DLGAP2: variants seen among roughly 807,000 people sequenced by gnomAD.
DLGAP2 encodes the protein disks large-associated protein 2.
A neutral mutation model predicts 100.3 loss-of-function variants in DLGAP2; 26 were observed. The observed-to-expected ratio is 0.26, with a 90% CI of 0.19 to 0.36. The LOEUF (loss-of-function observed/expected upper bound fraction) is 0.36, where lower values mean the gene tolerates loss of function less well. Among genes scored for constraint, DLGAP2 ranks in the 10% least tolerant of loss-of-function variants. The pLI is 1.00. For missense variants in DLGAP2, 1,858 were observed against 1,453.2 expected (o/e 1.28, Z -4.53); for synonymous variants, 886 against 630.1 (o/e 1.41, Z -6.08).
chr8:1,136,477 C>T (rs556569022), intron 2 of DLGAP2, among the ~76,000 whole-genome samples: 1 of 152,176 alleles, frequency 6.6e-6, no homozygotes, highest in Non-Finnish European at 1.5e-5. Flanking sequence ...CCCTCCTCAT[C>T]GTCAGGCTGG....
At chr8:1,178,093 G>A (rs1425442388) in intron 2 of DLGAP2, among the ~76,000 whole-genome samples, 1 of 152,198 alleles carries the variant, frequency 6.6e-6, no homozygotes, top group Non-Finnish European at 1.5e-5. Flanking sequence ...CTGAGCTGGT[G>A]GTGTCAGAGT....
At chr8:1,083,360 G>C (rs773449445) in intron 2 of DLGAP2, among the ~76,000 whole-genome samples, 1 of 152,132 alleles carries the variant, frequency 6.6e-6, no homozygotes, top group Non-Finnish European at 1.5e-5. Context: ...GAGAGGCAGG[G>C]GAGAAGAGTA....
chr8:892,389 C>T (rs892001745), intron 1 of DLGAP2, among the ~76,000 whole-genome samples: 2 of 152,062 alleles, frequency 1.3e-5, no homozygotes, highest in Admixed American at 6.6e-5. Flanking sequence ...GAAATCCCGA[C>T]GAGGCTATGG....
At chr8:1,416,989 G>T (rs1322738885) in intron 3 of DLGAP2, among the ~76,000 whole-genome samples, 3 of 151,440 alleles carry the variant, frequency 2.0e-5, no homozygotes, top group Non-Finnish European at 4.4e-5. Flanking sequence ...GAGACTCAGA[G>T]TCCAGGGCTC....
intron 3 of DLGAP2, among the ~76,000 whole-genome samples, chr8:1,280,723 C>T (rs371929003): frequency 1.3e-5 from 2 of 152,116 alleles, no homozygotes; most frequent in Admixed American, 6.5e-5. Flanking sequence ...TTCATCTGGG[C>T]AGAGGAGTAT....
At chr8:1,472,717 G>T (rs1327259380) in intron 3 of DLGAP2, among the ~76,000 whole-genome samples, 1 of 152,204 alleles carries the variant, frequency 6.6e-6, no homozygotes, top group East Asian at 1.9e-4. Flanking sequence ...TCTGCAGAAA[G>T]TTAACCCTAT....
At chr8:1,428,095 A>G (rs1797288395) in intron 3 of DLGAP2, among the ~76,000 whole-genome samples, 1 of 152,150 alleles carries the variant, frequency 6.6e-6, no homozygotes, top group Admixed American at 6.5e-5. Flanking sequence ...AGAACAGAGT[A>G]CGCTAAATAA....
intron 3 of DLGAP2, among the ~76,000 whole-genome samples, chr8:1,475,823 C>T (rs1294632015): frequency 1.3e-5 from 2 of 152,152 alleles, no homozygotes; most frequent in Non-Finnish European, 2.9e-5. Context: ...GATCATTACT[C>T]TTTGTAACCA....
intron 6 of DLGAP2, among the ~76,000 whole-genome samples, chr8:1,596,682 T>C (rs149371622): frequency 9.1e-4 from 138 of 152,340 alleles, no homozygotes; most frequent in African/African-American, 3.3e-3. Flanking sequence ...TTCTGAGAAA[T>C]GCCTGTTCAT....
chr8:746,917 C>A (rs1214586004), intron 1 of DLGAP2, among the ~76,000 whole-genome samples: 1 of 152,186 alleles, frequency 6.6e-6, no homozygotes, highest in African/African-American at 2.4e-5. Context: ...GTGATGTCGG[C>A]CCTGCAGGCG....
At chr8:1,058,133 G>T (rs568950960) in intron 2 of DLGAP2, among the ~76,000 whole-genome samples, 3 of 152,182 alleles carry the variant, frequency 2.0e-5, no homozygotes, top group Non-Finnish European at 2.9e-5. Flanking sequence ...ATTCCCACAG[G>T]GGGCTTGGCT....
At chr8:1,307,988 C>T (rs1018808228) in intron 3 of DLGAP2, among the ~76,000 whole-genome samples, 4 of 152,064 alleles carry the variant, frequency 2.6e-5, no homozygotes, top group African/African-American at 9.7e-5. Flanking sequence ...ACTACACACA[C>T]GAAATGGTTA....
rs188725481 is a variant in DLGAP2, at chr8:1,707,548, G to C, written c.*6142G>C. On this transcript the variant is annotated 3_prime_UTR_variant, in exon 15 of 15. Transcript: ENST00000637795. ...TGAACTCGACAAGGCTTCCCCTTAC[G>C]AGCAGTGAGACCTAGGCTACTTTCG... 1.3e-5 allele frequency: 2 copies of C among 152,198 alleles called. No individual in the cohort carries two copies. Among genetic ancestry groups the C allele is most frequent in the African/African-American group, 4.8e-5 (2 of 41,512 alleles). 9.4% of individuals were successfully genotyped at this position (152,198 alleles called of 1,614,324 possible).
At chr8:1,335,500 A>G (rs1801253621) in intron 3 of DLGAP2, among the ~76,000 whole-genome samples, 1 of 152,188 alleles carries the variant, frequency 6.6e-6, no homozygotes, top group Admixed American at 6.5e-5. Context: ...ATCACGTTGC[A>G]ATATCGGACA....
chr8:1,381,848 C>T (rs183022503), intron 3 of DLGAP2, among the ~76,000 whole-genome samples: 122 of 147,652 alleles, frequency 8.3e-4, no homozygotes, highest in African/African-American at 2.9e-3. Context: ...TCAAAGTGAG[C>T]GTAGCCATTC....
intron 10 of DLGAP2, among the ~76,000 whole-genome samples, chr8:1,672,693 G>T (rs1481199133): frequency 6.6e-6 from 1 of 152,076 alleles, no homozygotes; most frequent in African/African-American, 2.4e-5. Flanking sequence ...CTGCCCCAGA[G>T]CTCCAAGCCT....
At chr8:795,698 A>T (rs1796013887) in intron 1 of DLGAP2, among the ~76,000 whole-genome samples, 3 of 150,062 alleles carry the variant, frequency 2.0e-5, no homozygotes, top group African/African-American at 7.4e-5. Context: ...CAGTGAGAGC[A>T]GGCGTCCAGT....
chr8:1,497,690 G>A (rs74450403), intron 3 of DLGAP2, among the ~76,000 whole-genome samples: 2,480 of 152,292 alleles, frequency 0.016, 55 homozygotes, highest in African/African-American at 0.056. Context: ...CTGTCCAGGC[G>A]AACAGGGTTC....
At chr8:1,433,895 G>A (rs1344493324) in intron 3 of DLGAP2, among the ~76,000 whole-genome samples, 1 of 152,056 alleles carries the variant, frequency 6.6e-6, no homozygotes, top group East Asian at 1.9e-4. Context: ...TGCTGTCCAT[G>A]GTCCCTGGGG....
Sources: allele counts gnomAD v4.1 joint callset (sites outside exome capture counted in the v4.1 genomes callset), GRCh38; gene constraint gnomAD v4.1.1; transcripts MANE v1.5; gene names NCBI Gene and HGNC (gene_info 2026-07-23, HGNC 2026-07-21).